ACBD5: variants seen among roughly 807,000 people sequenced by gnomAD.
ACBD5 encodes acyl-CoA binding domain containing 5, also known as acyl-CoA-binding domain-containing protein 5.
A neutral mutation model predicts 71.8 loss-of-function variants in ACBD5; 40 were observed. The observed-to-expected ratio is 0.56, with a 90% CI of 0.43 to 0.72. The LOEUF (loss-of-function observed/expected upper bound fraction) is 0.72, where lower values mean the gene tolerates loss of function less well. ACBD5 is among the 30% of genes least tolerant of loss of function. The pLI is 0.00. For missense variants in ACBD5, 559 were observed against 644.5 expected, an observed-to-expected ratio of 0.87 and a Z score of 1.44; for synonymous variants, 229 against 218.6, an observed-to-expected ratio of 1.05 and a Z score of -0.42.
chr10:27,184,761 A>G (rs1461937260), intron 13 of ACBD5, among the ~76,000 whole-genome samples: 3 of 151,668 alleles, frequency 2.0e-5, no homozygotes, highest in Non-Finnish European at 4.4e-5. Flanking sequence ...GGGTTTCACC[A>G]TGTTGGCCAG....
intron 11 of ACBD5, among the ~76,000 whole-genome samples, chr10:27,204,866 A>G (rs1037915457): frequency 4.6e-5 from 7 of 152,140 alleles, no homozygotes; most frequent in Non-Finnish European, 1.0e-4. Context: ...GGTGGCTCAC[A>G]CCTGTAATCC....
chr10:27,209,093 T>G (rs1039560834), intron 9 of ACBD5, among the ~76,000 whole-genome samples: 9 of 100,780 alleles, frequency 8.9e-5, no homozygotes, highest in African/African-American at 2.5e-4. Flanking sequence ...TTCAAAGACT[T>G]TTTTTTTTTT....
At chr10:27,212,281 G>A (rs1477844425) in intron 8 of ACBD5, among the ~76,000 whole-genome samples, 1 of 152,162 alleles carries the variant, frequency 6.6e-6, no homozygotes, top group Non-Finnish European at 1.5e-5. Flanking sequence ...CCCAGGAGGT[G>A]GAGGTTGCAG....
chr10:27,222,432 G>A (rs7358044), intron 5 of ACBD5, among the ~76,000 whole-genome samples: 10,374 of 149,434 alleles, frequency 0.069, 686 homozygotes, highest in African/African-American at 0.17. Flanking sequence ...AAAAATAGAA[G>A]TTGTAATCCA....
downstream of ACBD5, among the ~76,000 whole-genome samples, chr10:27,190,531 C>A (rs1377038365): frequency 6.6e-6 from 1 of 152,170 alleles, no homozygotes; most frequent in South Asian, 2.1e-4. Context: ...TAAAGCCTTA[C>A]TATTATGCTC....
At chr10:27,190,776 T>A (rs2059045714), downstream of ACBD5, among the ~76,000 whole-genome samples, 1 of 152,210 alleles carries the variant, frequency 6.6e-6, no homozygotes, top group Non-Finnish European at 1.5e-5. Flanking sequence ...AATAAAAGGC[T>A]TCTGCACCAG....
Position 27,196,973 on chromosome 10 carries a change from G to T in ACBD5, c.*457C>A. ...AACTCCGTGACTAAGATATAAAGTCGATTACATCTCATTTGAAATTCACTC... is the reference window on the plus strand; with the variant it reads ...AACTCCGTGACTAAGATATAAAGTCTATTACATCTCATTTGAAATTCACTC... On this transcript the variant is annotated 3_prime_UTR_variant, in exon 13 of 13. Transcript: ENST00000396271. 3 of 453,948 alleles carry T rather than the reference G, an allele frequency of 6.6e-6. No individual in the cohort carries two copies. Among genetic ancestry groups the T allele is most frequent in the South Asian group, 4.7e-5 (3 of 64,306 alleles). 28.1% of individuals were successfully genotyped at this position (453,948 alleles called of 1,614,324 possible).
chr10:27,197,692 C>G (rs1413696702), intron 12 of ACBD5, among the ~76,000 whole-genome samples: 1 of 152,200 alleles, frequency 6.6e-6, no homozygotes, highest in Non-Finnish European at 1.5e-5. Flanking sequence ...GTCGTCCAGG[C>G]TGGACTGCAA....
downstream of ACBD5, among the ~76,000 whole-genome samples, chr10:27,194,582 A>C (rs1282841152): frequency 6.7e-6 from 1 of 149,706 alleles, no homozygotes; most frequent in African/African-American, 2.4e-5. Flanking sequence ...ACTGCAATCC[A>C]GCCTGGGCGG....
In ACBD5 at chr10:27,210,482, C is replaced by T. The variant is rs773651143; in HGVS notation, c.1204+332G>A. On this transcript the variant is annotated intron_variant, in intron 9 of 12. Coordinates refer to ENST00000396271, the MANE Select transcript of ACBD5 (RefSeq NM_145698.5). ...AAACTTTTTAAATTAGTCAGGCGGC[C>T]GGGCACAGCTCACGCCTGTAATCCC... 2.6e-5 allele frequency among the ~76,000 whole-genome samples: 4 copies of T among 152,084 alleles called. No individual in the cohort carries two copies. The East Asian group carries it at 5.8e-4, about 22-fold the overall frequency.
intron 12 of ACBD5, among the ~76,000 whole-genome samples, chr10:27,200,700 CGGCT>C (rs1564557438): frequency 8.5e-5 from 13 of 152,126 alleles, no homozygotes; most frequent in Non-Finnish European, 1.8e-4. Flanking sequence ...CTCAGGTGAC[CGGCT>C]CACCTCGGCC....
At position 27,218,010 on chromosome 10, in the gene ACBD5, T is replaced by G. The variant is rs1231300174; in HGVS notation, c.799A>C (p.Thr267Pro). The change falls in exon 7 of 13, where the codon ACT becomes CCT. Residue 267 changes from threonine to proline, a missense_variant. Thr to Pro is a conservative substitution (Grantham distance 38). Coordinates refer to ENST00000396271, the MANE Select transcript of ACBD5 (RefSeq NM_145698.5). ...VKPIDENLGQ[T>P]GKSAVCIHQD... ...TGAATGCAAACAGCAGATTTTCCAG[T>G]TTGCCCCAAGTTTTCATCAATGGGC... The G allele has an allele frequency of 3.1e-6, 5 of 1,614,062 alleles. No homozygotes were observed. In the Admixed American group the frequency reaches 5.0e-5, roughly 16 times the overall value.
chr10:27,195,335 A>C lies in ACBD5; in HGVS notation c.*2095T>G, dbSNP rs2059288592. The C allele has an allele frequency of 2.2e-6, 1 of 453,736 alleles. No homozygotes were observed. The highest frequency in any genetic ancestry group is 4.4e-6 in the Non-Finnish European group (1 of 226,670). The allele number at this position is 453,736 out of a possible 1,614,324, so 28.1% of individuals were successfully genotyped here. A position where few individuals can be genotyped will look rare whatever the true frequency, so the allele number is the denominator to read the frequency against. ...GGTTCTTATTAAACAAAGCAGGAAC[A>C]CTATATCCTATAATTACATCTTTAC... On this transcript the variant is annotated 3_prime_UTR_variant, in exon 13 of 13. Coordinates refer to ENST00000396271, the MANE Select transcript of ACBD5 (RefSeq NM_145698.5).
chr10:27,242,063 G>A, upstream of ACBD5: 3 of 453,754 alleles, frequency 6.6e-6, no homozygotes, highest in Non-Finnish European at 1.3e-5. Flanking sequence ...ATTTACCTTG[G>A]TATTGCCGGA....
intron 7 of ACBD5, among the ~76,000 whole-genome samples, chr10:27,216,689 A>G (rs922704761): frequency 6.6e-6 from 1 of 152,188 alleles, no homozygotes; most frequent in Non-Finnish European, 1.5e-5. Context: ...TTAGTTGATA[A>G]TTTTTATTTG....
chr10:27,224,411 G>A (rs868012226), intron 4 of ACBD5, among the ~76,000 whole-genome samples: 5 of 152,056 alleles, frequency 3.3e-5, no homozygotes, highest in African/African-American at 1.2e-4. Context: ...AAAAAAACTA[G>A]GGGCTTTCAT....
chr10:27,218,284 A>C, intron 6 of ACBD5, 101 bp from the exon 7 acceptor site: 2 of 962,504 alleles, frequency 2.1e-6, no homozygotes, highest in Non-Finnish European at 3.3e-6. Flanking sequence ...ACCTACCACA[A>C]TCCCTTTGAA....
intron 4 of ACBD5, among the ~76,000 whole-genome samples, chr10:27,228,791 T>TATATATATATATATATATATATATA (rs2063411422): frequency 1.4e-4 from 3 of 22,120 alleles, no homozygotes; most frequent in Non-Finnish European, 5.0e-4. Context: ...CCTATTATGT[T>TATATATATATATATATATATATATA]TATATATATA....
At chr10:27,237,745 C>G (rs567047211) in intron 2 of ACBD5, among the ~76,000 whole-genome samples, 1 of 151,124 alleles carries the variant, frequency 6.6e-6, no homozygotes, top group South Asian at 2.1e-4. Flanking sequence ...CTCAACCTCC[C>G]GAGTAGCTGG....
Sources: allele counts gnomAD v4.1 joint callset (sites outside exome capture counted in the v4.1 genomes callset), GRCh38; gene constraint gnomAD v4.1.1; transcripts MANE v1.5; gene names NCBI Gene and HGNC (gene_info 2026-07-23, HGNC 2026-07-21).